Variants in ITSN2 observed in about 807,000 individuals in gnomAD.
ITSN2 encodes the protein intersectin 2.
ITSN2 carries 156 observed loss-of-function variants against 243.7 expected under a neutral mutation model. The observed-to-expected ratio is 0.64, with a 90% confidence interval of 0.56 to 0.73. The LOEUF is 0.73. ITSN2 is among the 30% of genes least tolerant of loss of function. The pLI is 0.00. For missense variants in ITSN2, 1,801 were observed against 1,996.1 expected (o/e 0.90, Z 1.86); for synonymous variants, 703 against 699.9 (o/e 1.00, Z -0.07).
At chr2:24,253,095 TATC>T (rs1265752666) in intron 24 of ITSN2, among the ~76,000 whole-genome samples, 4 of 152,274 alleles carry the variant, frequency 2.6e-5, no homozygotes, top group African/African-American at 9.6e-5. Flanking sequence ...TCAAGGGAAA[TATC>T]TAAATTTTTA....
rs1670991786 is a variant in ITSN2, at chr2:24,225,946, A to AT, written c.3578-4881_3578-4880insA. 6.6e-6 allele frequency among the ~76,000 whole-genome samples: 1 copy of AT among 152,162 alleles called. No homozygotes were observed. Among genetic ancestry groups the AT allele is most frequent in the Non-Finnish European group, 1.5e-5 (1 of 68,024 alleles). On this transcript the variant is annotated intron_variant, in intron 29 of 39. Transcript: ENST00000355123. The surrounding 1 kb of genome is among the most constrained non-coding windows in gnomAD (Gnocchi z 4.2). ...TGCCACTCTCTATACCTGCATTGTC[A>AT]ATAGAGTAGCCCTTAGCAAGCTGTG...
chr2:24,210,270 A>C, intron 34 of ITSN2: 1 of 509,020 alleles, frequency 2.0e-6, no homozygotes, highest in Non-Finnish European at 3.5e-6. Context: ...GCTGAATTCA[A>C]AGAACTCAAA....
intron 8 of ITSN2, among the ~76,000 whole-genome samples, chr2:24,304,089 C>T (rs1682161296): frequency 6.6e-6 from 1 of 152,180 alleles, no homozygotes; most frequent in African/African-American, 2.4e-5. Flanking sequence ...GTGCTGTCCC[C>T]TGTCTTTTCA....
chr2:24,312,469 TG>T, intron 4 of ITSN2, 94 bp from the exon 5 acceptor site: 1 of 852,510 alleles, frequency 1.2e-6, no homozygotes, highest in South Asian at 2.4e-5. Context: ...AATGATGATA[TG>T]GCATTCACGT....
In ITSN2 at chr2:24,216,040, T is replaced by A. The variant is rs1438144929; in HGVS notation, c.3990+9A>T. On this transcript the variant is annotated intron_variant, in intron 32 of 39. Coordinates refer to ENST00000355123, the MANE Select transcript of ITSN2 (RefSeq NM_006277.3). ...GGAGCCTGACCCGCAAGGCCCAGAA[T>A]GGAATTACCTTTAAAAATTCTTTGA... 8 of 1,577,472 alleles carry A rather than the reference T, an allele frequency of 5.1e-6. No homozygotes were observed. Among genetic ancestry groups the A allele is most frequent in the Non-Finnish European group, 6.9e-6 (8 of 1,158,458 alleles).
chr2:24,219,020 A>G (rs1431977777), intron 30 of ITSN2, among the ~76,000 whole-genome samples: 1 of 152,128 alleles, frequency 6.6e-6, no homozygotes, highest in African/African-American at 2.4e-5. Context: ...GCCCTCAGCT[A>G]CTTCACACTC....
chr2:24,302,157 T>C, intron 9 of ITSN2, 55 bp from the exon 10 acceptor site: 1 of 1,235,118 alleles, frequency 8.1e-7, no homozygotes, highest in Non-Finnish European at 1.1e-6. Context: ...AGTAAAATAT[T>C]GCCTTAAAAG....
At chr2:24,304,303 T>C (rs147664297) in intron 8 of ITSN2, among the ~76,000 whole-genome samples, 2 of 152,256 alleles carry the variant, frequency 1.3e-5, no homozygotes, top group East Asian at 3.9e-4. Context: ...AAACAACTCT[T>C]ACACAAGAGA....
chr2:24,205,341 A>T, intron 37 of ITSN2, 44 bp from the exon 38 acceptor site: 1 of 1,527,982 alleles, frequency 6.5e-7, no homozygotes, highest in Non-Finnish European at 9.1e-7. Context: ...TTCTCCAAGG[A>T]TGCAGACCCT....
At chr2:24,227,342 A>G (rs1671145501) in intron 29 of ITSN2, among the ~76,000 whole-genome samples, 1 of 152,074 alleles carries the variant, frequency 6.6e-6, no homozygotes, top group Admixed American at 6.5e-5. Flanking sequence ...CATAAATTGA[A>G]AAATGAGGAT....
At chr2:24,283,001 CAA>C (rs1376833104) in intron 17 of ITSN2, among the ~76,000 whole-genome samples, 2 of 147,880 alleles carry the variant, frequency 1.4e-5, no homozygotes, top group Non-Finnish European at 3.0e-5. Flanking sequence ...CTATTTCCTT[CAA>C]GTCTTTCTTA....
At chr2:24,223,211 G>A (rs114781912) in intron 29 of ITSN2, among the ~76,000 whole-genome samples, 18 of 152,218 alleles carry the variant, frequency 1.2e-4, no homozygotes, top group African/African-American at 4.1e-4. Flanking sequence ...CATCCAGCAG[G>A]GCGTGTTGCT....
intron 29 of ITSN2, among the ~76,000 whole-genome samples, chr2:24,232,442 G>C (rs1482764547): frequency 6.6e-6 from 1 of 152,130 alleles, no homozygotes; most frequent in Non-Finnish European, 1.5e-5. Flanking sequence ...GCGCAGACCT[G>C]GCCCCAGAGA....
intron 31 of ITSN2, among the ~76,000 whole-genome samples, chr2:24,217,701 T>A (rs974861133): frequency 6.6e-6 from 1 of 152,256 alleles, no homozygotes; most frequent in African/African-American, 2.4e-5. Flanking sequence ...TATCAAAATA[T>A]TTTGTTATAT....
intron 7 of ITSN2, among the ~76,000 whole-genome samples, chr2:24,309,340 A>G (rs2151728112): frequency 6.6e-6 from 1 of 152,164 alleles, no homozygotes; most frequent in East Asian, 1.9e-4. Flanking sequence ...CTACAGTCAC[A>G]TGCCACCACG....
At chr2:24,300,314 T>C (rs1681557366) in intron 11 of ITSN2, 143 bp from the exon 12 acceptor site, 1 of 742,684 alleles carries the variant, frequency 1.3e-6, no homozygotes, top group Admixed American at 3.2e-5. Flanking sequence ...TTAACTCAAA[T>C]CTAAGTGGAA....
At chr2:24,340,060 A>C (rs532203204) in intron 1 of ITSN2, among the ~76,000 whole-genome samples, 34 of 152,138 alleles carry the variant, frequency 2.2e-4, no homozygotes, top group African/African-American at 7.7e-4. Context: ...GTAAAAAAAA[A>C]CAAGTAGAAG....
intron 8 of ITSN2, among the ~76,000 whole-genome samples, chr2:24,306,066 G>C (rs1361770005): frequency 6.6e-6 from 1 of 152,038 alleles, no homozygotes; most frequent in African/African-American, 2.4e-5. Flanking sequence ...TGCAACCTCT[G>C]CCTCCCAGGC....
rs776246314 is a variant in ITSN2, at chr2:24,261,730, T to G, written c.2368A>C (p.Thr790Pro). The G allele has an allele frequency of 6.2e-7, 1 of 1,611,690 alleles. No individual in the cohort carries two copies. The highest frequency in any genetic ancestry group is 8.5e-7 in the Non-Finnish European group (1 of 1,179,040). ...SGDIIQVDEKTVGEPGWLYGS... is the reference protein window; with the variant it reads ...SGDIIQVDEKPVGEPGWLYGS... ...TAAAGCCAACCAGGTTCTCCTACGGTTTTTTCATCAACCTACGGAAATAAA... is the reference window on the plus strand; with the variant it reads ...TAAAGCCAACCAGGTTCTCCTACGGGTTTTTCATCAACCTACGGAAATAAA... Residue 790 changes from threonine (T) to proline (P), a missense_variant, in exon 21 of 40, where the codon ACC becomes CCC. Around this residue, in one of 5 missense-constraint regions of ITSN2, gnomAD observed 787 missense variants for 803.9 expected, o/e 0.98. Coordinates refer to ENST00000355123, the MANE Select transcript of ITSN2 (RefSeq NM_006277.3).
Sources: gnomAD v4.1 joint callset for allele counts (sites outside exome capture counted in the v4.1 genomes callset) on GRCh38, gnomAD v4.1.1 for gene constraint, gnomAD v4.1.1 regional missense constraint, Gnocchi (gnomAD v3.1) non-coding constraint, MANE v1.5 for transcripts, NCBI Gene and HGNC (gene_info 2026-07-23, HGNC 2026-07-21) for gene names.